Variants in XKR7 observed in about 807,000 individuals in gnomAD.
XKR7 encodes XK-related protein 7.
Under a neutral mutation model 42.2 loss-of-function variants are expected in XKR7, and 11 were observed. The observed-to-expected ratio is 0.26, with a 90% CI of 0.16 to 0.43. The LOEUF is 0.43. Ranked by LOEUF, XKR7 falls within the 20% of genes least tolerant of loss-of-function variation. The pLI is 1.00. For synonymous variants in XKR7, 346 were observed against 366.4 expected (o/e 0.94, Z 0.64); for missense variants, 710 against 802.2 (o/e 0.89, Z 1.39).
At chr20:31,977,988 C>T (rs1252198395) in intron 1 of XKR7, among the ~76,000 whole-genome samples, 1 of 152,190 alleles carries the variant, frequency 6.6e-6, no homozygotes, top group Non-Finnish European at 1.5e-5. Context: ...CTTTATGATA[C>T]TCGCTTCCAT....
At chr20:31,991,838 C>T (rs1678178875) in intron 1 of XKR7, among the ~76,000 whole-genome samples, 1 of 152,228 alleles carries the variant, frequency 6.6e-6, no homozygotes, top group Admixed American at 6.5e-5. Context: ...TGAGATCAGG[C>T]CAGGCGTGGT....
At position 32,001,135 on chromosome 20, in the gene XKR7, G is replaced by A. The variant is rs913752501; in HGVS notation, c.*3678G>A. ...GCAGTCAACACCCTCCTAAGTACTC[G>A]AGTTCTGCAGGTTCTTCCCTTGGAA... On this transcript the variant is annotated 3_prime_UTR_variant, in exon 3 of 3. Coordinates refer to ENST00000562532, the MANE Select transcript of XKR7 (RefSeq NM_001011718.2). The A allele has an allele frequency of 3.9e-5, 6 of 152,190 alleles. No homozygotes were observed. Among genetic ancestry groups the A allele is most frequent in the African/African-American group, 1.2e-4 (5 of 41,436 alleles). 9.4% of individuals were successfully genotyped at this position (152,190 alleles called of 1,614,324 possible).
chr20:31,999,878 G>C lies in XKR7; in HGVS notation c.*2421G>C, dbSNP rs1192579006. 1 of 152,270 alleles carries C rather than the reference G, an allele frequency of 6.6e-6. No individual in the cohort carries two copies. The highest frequency in any genetic ancestry group is 1.5e-5 in the Non-Finnish European group (1 of 68,110). The allele number at this position is 152,270 out of a possible 1,614,324, so 9.4% of individuals were successfully genotyped here. ...CTGGCTGCTGCCTTCTAGAGGAAAA[G>C]TCCTAGCTGGGGTCCTTTACACTCC... On this transcript the variant is annotated 3_prime_UTR_variant, in exon 3 of 3. Coordinates refer to ENST00000562532, the MANE Select transcript of XKR7 (RefSeq NM_001011718.2).
chr20:31,997,340 C>T lies in XKR7; in HGVS notation c.1623C>T (p.Asp541=). 6.2e-7 allele frequency: 1 copy of T among 1,607,078 alleles called. No individual in the cohort carries two copies. The change falls in exon 3 of 3, where the codon GAC becomes GAT. Residue 541 remains aspartate, a synonymous_variant. Coordinates refer to ENST00000562532, the MANE Select transcript of XKR7 (RefSeq NM_001011718.2). The part of the protein sequence containing the change: ...KYPAWDAHFI[D]RRLRKTILAL... ...CGGCCTGGGATGCTCATTTTATTGA[C>T]CGCCGGCTCCGGAAGACCATCCTGG...
chr20:31,991,315 G>A (rs1426559905), intron 1 of XKR7, among the ~76,000 whole-genome samples: 4 of 152,198 alleles, frequency 2.6e-5, no homozygotes, highest in South Asian at 4.1e-4. Flanking sequence ...GAAGGGGAAG[G>A]GAATGTGGCG....
intron 1 of XKR7, among the ~76,000 whole-genome samples, chr20:31,977,038 G>A (rs901211863): frequency 6.6e-6 from 1 of 152,220 alleles, no homozygotes; most frequent in Admixed American, 6.5e-5. Flanking sequence ...TGCTGAATGT[G>A]CGAGCTTTCT....
intron 1 of XKR7, among the ~76,000 whole-genome samples, chr20:31,976,193 G>A (rs2064483865): frequency 6.6e-6 from 1 of 152,156 alleles, no homozygotes; most frequent in Non-Finnish European, 1.5e-5. Context: ...TGGAAATTGA[G>A]GCACAGAGAA....
At chr20:31,994,449 ATGCT>A in intron 1 of XKR7, among the ~76,000 whole-genome samples, 1 of 152,218 alleles carries the variant, frequency 6.6e-6, no homozygotes, top group South Asian at 2.1e-4. Flanking sequence ...GCGGTGGCTC[ATGCT>A]TGTATTCCTA....
intron 1 of XKR7, among the ~76,000 whole-genome samples, chr20:31,976,438 G>A (rs2064485370): frequency 6.6e-6 from 1 of 151,956 alleles, no homozygotes; most frequent in South Asian, 2.1e-4. Context: ...AGGCTGGAGT[G>A]CAGTGGCTCG....
intron 1 of XKR7, among the ~76,000 whole-genome samples, chr20:31,990,241 G>A (rs1568889129): frequency 6.6e-6 from 1 of 151,496 alleles, no homozygotes; most frequent in Admixed American, 6.6e-5. Context: ...GTGTTGCCCA[G>A]ACTGGTCTCA....
At chr20:31,991,156 C>T (rs1416084251) in intron 1 of XKR7, among the ~76,000 whole-genome samples, 2 of 152,210 alleles carry the variant, frequency 1.3e-5, no homozygotes, top group Non-Finnish European at 1.5e-5. Flanking sequence ...GGCCAGGGGC[C>T]AGGGCCTCTC....
Position 31,994,963 on chromosome 20 carries a change from C to T in XKR7, c.585-105C>T, listed in dbSNP as rs987388118. ...TTCACAGCTGAGGAAACAGGCTCAG[C>T]GTAGGGAGTGACTTGCCCCCTGCGC... On this transcript the variant is annotated intron_variant, in intron 1 of 2. Coordinates refer to ENST00000562532, the MANE Select transcript of XKR7 (RefSeq NM_001011718.2). The T allele has an allele frequency of 2.7e-6, 4 of 1,496,182 alleles. No homozygotes were observed. The Admixed American group carries it at 7.6e-5, about 28-fold the overall frequency. The allele number at this position is 1,496,182 out of a possible 1,614,324, so 92.7% of individuals were successfully genotyped here.
At position 31,968,690 on chromosome 20, in the gene XKR7, G is replaced by T; in HGVS notation, c.515G>T (p.Arg172Leu). The T allele has an allele frequency of 6.4e-7, 1 of 1,565,696 alleles. No homozygotes were observed. Residue 172 changes from arginine to leucine, a missense_variant, in exon 1 of 3, where the codon CGC becomes CTC. Physicochemically the swap from Arg to Leu is moderately radical, Grantham distance 102. Transcript: ENST00000562532. The surrounding 1 kb of genome is among the most constrained non-coding windows in gnomAD (Gnocchi z 4.5). ...TCCTCGGCCAGCGCCTACCGCCGCC[G>T]CTGCTGCCGCCTCTGCATCTGGCTG... Reference protein sequence around the residue: ...APSSASAYRRRCCRLCIWLLQ... With the variant: ...APSSASAYRRLCCRLCIWLLQ...
At chr20:31,975,950 T>G (rs541713435) in intron 1 of XKR7, among the ~76,000 whole-genome samples, 31 of 152,356 alleles carry the variant, frequency 2.0e-4, no homozygotes, top group African/African-American at 7.5e-4. Flanking sequence ...AGAAGAGAAC[T>G]GTAGACCCAA....
At position 31,999,370 on chromosome 20, in the gene XKR7, A is replaced by T. The variant is rs1195712041; in HGVS notation, c.*1913A>T. The T allele has an allele frequency of 6.6e-6, 1 of 152,260 alleles. No homozygotes were observed. Among genetic ancestry groups the T allele is most frequent in the Non-Finnish European group, 1.5e-5 (1 of 68,096 alleles). 9.4% of individuals were successfully genotyped at this position (152,260 alleles called of 1,614,324 possible). The stretch of plus-strand genomic sequence containing the variant: ...TGCCCACATACACACAAGCACAAGC[A>T]CAACCATGATACGGGTCACCCTCCC... On this transcript the variant is annotated 3_prime_UTR_variant, in exon 3 of 3. Transcript: ENST00000562532.
chr20:31,980,593 C>A (rs1017881015), intron 1 of XKR7, among the ~76,000 whole-genome samples: 1 of 152,178 alleles, frequency 6.6e-6, no homozygotes, highest in African/African-American at 2.4e-5. Context: ...AGACTCTATT[C>A]CCCTGTGTCC....
chr20:31,997,784 C>A lies in XKR7; in HGVS notation c.*327C>A. 3.1e-6 allele frequency: 1 copy of A among 323,062 alleles called. No individual in the cohort carries two copies. The highest frequency in any genetic ancestry group is 5.7e-6 in the Non-Finnish European group (1 of 174,704). 20.0% of individuals were successfully genotyped at this position (323,062 alleles called of 1,614,324 possible). A position where few individuals can be genotyped will look rare whatever the true frequency, so the allele number is the denominator to read the frequency against. On this transcript the variant is annotated 3_prime_UTR_variant, in exon 3 of 3. Coordinates refer to ENST00000562532, the MANE Select transcript of XKR7 (RefSeq NM_001011718.2). ...TGCCTGGCGTTGCCCATGTGTTGCC[C>A]CTGCTGGACTTGCCAGAGAAAGGGC...
At chr20:31,976,542 AC>A (rs1312212106) in intron 1 of XKR7, among the ~76,000 whole-genome samples, 2 of 151,488 alleles carry the variant, frequency 1.3e-5, no homozygotes, top group African/African-American at 4.9e-5. Context: ...CCACCCCCAC[AC>A]CCAGCTAATT....
chr20:31,991,245 C>G (rs1005681863), intron 1 of XKR7, among the ~76,000 whole-genome samples: 1 of 152,198 alleles, frequency 6.6e-6, no homozygotes, highest in Non-Finnish European at 1.5e-5. Flanking sequence ...CCCCAACTCC[C>G]CAGGCCCCTT....
Sources: gnomAD v4.1 joint callset for allele counts (sites outside exome capture counted in the v4.1 genomes callset) on GRCh38, gnomAD v4.1.1 for gene constraint, Gnocchi (gnomAD v3.1) non-coding constraint, MANE v1.5 for transcripts, NCBI Gene and HGNC (gene_info 2026-07-23, HGNC 2026-07-21) for gene names.